TRIM32: variants seen among roughly 807,000 people sequenced by gnomAD.
TRIM32 encodes the protein tripartite motif containing 32, also known as E3 ubiquitin-protein ligase TRIM32.
In TRIM32, 19 loss-of-function variants were observed where a neutral mutation model predicts 36.0. The ratio of observed to expected loss-of-function variants is 0.53; its 90% CI spans 0.37 to 0.77. The LOEUF (loss-of-function observed/expected upper bound fraction) is 0.77, where lower values mean the gene tolerates loss of function less well. Among genes scored for constraint, TRIM32 ranks in the 30% least tolerant of loss-of-function variants. TRIM32 has a pLI of 0.00. For missense variants in TRIM32, 747 were observed against 845.2 expected (o/e 0.88, Z 1.44); for synonymous variants, 309 against 318.5 (o/e 0.97, Z 0.32).
intron 1 of TRIM32, 172 bp from the exon 2 acceptor site, chr9:116,697,490 G>C: frequency 2.0e-6 from 1 of 502,064 alleles, no homozygotes; most frequent in Admixed American, 3.2e-5. Flanking sequence ...TGTTTTGTCT[G>C]GTTTGTTTCC....
In TRIM32 at chr9:116,698,595, C is replaced by T; in HGVS notation, c.853C>T (p.His285Tyr). ...AGATGTGGAGCTCCTTAAGGTAGGTCATGTTGGCCCCCTCCAAATTGGACA... is the reference window on the plus strand; with the variant it reads ...AGATGTGGAGCTCCTTAAGGTAGGTTATGTTGGCCCCCTCCAAATTGGACA... ...LQDVELLKVGHVGPLQIGQAV... is the reference protein window; with the variant it reads ...LQDVELLKVGYVGPLQIGQAV... Residue 285 changes from histidine to tyrosine, a missense_variant, in exon 2 of 2, where the codon CAT becomes TAT. His to Tyr is a moderately conservative substitution (Grantham distance 83). Transcript: ENST00000450136. The surrounding 1 kb of genome is among the most constrained non-coding windows in gnomAD (Gnocchi z 4.4). The T allele has an allele frequency of 6.2e-7, 1 of 1,614,084 alleles. No homozygotes were observed. The highest frequency in any genetic ancestry group is 8.5e-7 in the Non-Finnish European group (1 of 1,180,010).
rs1359235368 is a variant in TRIM32 at position 116,687,349 on chromosome 9, G to C, written c.-114G>C. On this transcript the variant is annotated 5_prime_UTR_variant, in exon 1 of 2. Coordinates refer to ENST00000450136, the MANE Select transcript of TRIM32 (RefSeq NM_012210.4). ...GAGGGAGGCAGGCGGGTGGGCTGCC[G>C]GCGGTGGACTCGTCGGAGCCGCGGG... 3 of 823,720 alleles carry C rather than the reference G, an allele frequency of 3.6e-6. No homozygotes were observed. The highest frequency in any genetic ancestry group is 2.9e-6 in the Non-Finnish European group (2 of 682,958). 51.0% of individuals were successfully genotyped at this position (823,720 alleles called of 1,614,324 possible). A position where few individuals can be genotyped will look rare whatever the true frequency, so the allele number is the denominator to read the frequency against.
chr9:116,699,646 G>A lies in TRIM32; in HGVS notation c.1904G>A (p.Cys635Tyr). The A allele has an allele frequency of 6.2e-7, 1 of 1,614,204 alleles. No homozygotes were observed. Among genetic ancestry groups the A allele is most frequent in the South Asian group, 1.1e-5 (1 of 91,076 alleles). ...AAGGGGCAGCTGCTGGTCTTGGACTGTTGGGATCATTGCATCAAGATCTAC... is the reference window on the plus strand; with the variant it reads ...AAGGGGCAGCTGCTGGTCTTGGACTATTGGGATCATTGCATCAAGATCTAC... ...TPKGQLLVLD[C>Y]WDHCIKIYSY... Residue 635 changes from cysteine to tyrosine, a missense_variant, in exon 2 of 2, where the codon TGT (cysteine) becomes TAT (tyrosine). Coordinates refer to ENST00000450136, the MANE Select transcript of TRIM32 (RefSeq NM_012210.4). This position sits in a 1 kb window ranked among gnomAD's most constrained non-coding sequence, Gnocchi z 4.2.
chr9:116,698,105 G>C lies in TRIM32; in HGVS notation c.363G>C (p.Glu121Asp). ...GGAGCTGTGGTTTGGTGTTATGTGA[G>C]CCCTGCCGGGAGGCAGACCATCAGC... ...FCRSCGLVLC[E>D]PCREADHQPP... The change falls in exon 2 of 2, where the codon GAG (glutamate) becomes GAC (aspartate). Residue 121 changes from glutamate (E) to aspartate (D), a missense_variant. Physicochemically the swap from Glu to Asp is conservative, Grantham distance 45. Coordinates refer to ENST00000450136, the MANE Select transcript of TRIM32 (RefSeq NM_012210.4). This position sits in a 1 kb window ranked among gnomAD's most constrained non-coding sequence, Gnocchi z 4.4. 6.2e-7 allele frequency: 1 copy of C among 1,614,118 alleles called. No homozygotes were observed. The highest frequency in any genetic ancestry group is 8.5e-7 in the Non-Finnish European group (1 of 1,180,046).
At chr9:116,696,473 C>T (rs888096994) in intron 1 of TRIM32, among the ~76,000 whole-genome samples, 3 of 152,078 alleles carry the variant, frequency 2.0e-5, no homozygotes, top group Non-Finnish European at 4.4e-5. Flanking sequence ...AACTTCTTGT[C>T]CTTTCCTTTG....
chr9:116,693,771 A>C (rs559813848), intron 1 of TRIM32, among the ~76,000 whole-genome samples: 43 of 152,294 alleles, frequency 2.8e-4, no homozygotes, highest in African/African-American at 9.9e-4. Flanking sequence ...AAAGATTTGG[A>C]ATGATAAGAC....
intron 1 of TRIM32, among the ~76,000 whole-genome samples, chr9:116,688,191 G>T (rs1262062711): frequency 6.6e-6 from 1 of 152,030 alleles, no homozygotes. Flanking sequence ...GGGATTTGGG[G>T]CATATGAGTG....
chr9:116,689,289 T>C (rs1860443679), intron 1 of TRIM32, among the ~76,000 whole-genome samples: 1 of 152,190 alleles, frequency 6.6e-6, no homozygotes, highest in Non-Finnish European at 1.5e-5. Flanking sequence ...ACCCAGTGCC[T>C]TGGCTCTTCA....
chr9:116,695,434 ATATT>A (rs1316211811), intron 1 of TRIM32, among the ~76,000 whole-genome samples: 1 of 152,182 alleles, frequency 6.6e-6, no homozygotes, highest in Non-Finnish European at 1.5e-5. Context: ...CTGCTGCTAT[ATATT>A]TGTCAGATTG....
At chr9:116,689,998 T>C (rs1466455807) in intron 1 of TRIM32, among the ~76,000 whole-genome samples, 2 of 152,210 alleles carry the variant, frequency 1.3e-5, no homozygotes, top group Non-Finnish European at 2.9e-5. Flanking sequence ...GGCTCTATCA[T>C]TTCCAGGACT....
chr9:116,699,255 G>C lies in TRIM32; in HGVS notation c.1513G>C (p.Val505Leu), dbSNP rs1456670094. 6.2e-7 allele frequency: 1 copy of C among 1,614,220 alleles called. No individual in the cohort carries two copies. Among genetic ancestry groups the C allele is most frequent in the Admixed American group, 1.7e-5 (1 of 60,026 alleles). The part of the protein sequence containing the change: ...CFTVDRGSGV[V>L]KYSCLCSAVR... ...CACAGTTGATCGAGGATCAGGGGTG[G>C]TCAAATACAGCTGCCTATGTAGTGC... Residue 505 changes from valine to leucine, a missense_variant, in exon 2 of 2, where the codon GTC becomes CTC. Coordinates refer to ENST00000450136, the MANE Select transcript of TRIM32 (RefSeq NM_012210.4). The surrounding 1 kb of genome is among the most constrained non-coding windows in gnomAD (Gnocchi z 4.2).
In TRIM32 at chr9:116,699,129, G is replaced by A; in HGVS notation, c.1387G>A (p.Ala463Thr). 2.5e-6 allele frequency: 4 copies of A among 1,614,200 alleles called. No homozygotes were observed. Among genetic ancestry groups the A allele is most frequent in the Non-Finnish European group, 3.4e-6 (4 of 1,180,024 alleles). Reference protein sequence around the residue: ...KVYTLDGHCVACHRSQLSKPW... With the variant: ...KVYTLDGHCVTCHRSQLSKPW... ...ATATACCTTGGATGGCCACTGCGTG[G>A]CCTGTCACAGGAGCCAGCTGAGCAA... Residue 463 changes from alanine to threonine, a missense_variant, in exon 2 of 2, where the codon GCC becomes ACC. Transcript: ENST00000450136. This position sits in a 1 kb window ranked among gnomAD's most constrained non-coding sequence, Gnocchi z 4.2.
At position 116,698,795 on chromosome 9, in the gene TRIM32, T is replaced by C; in HGVS notation, c.1053T>C (p.Asn351=). ...AKQRGPEAAS[N]IQQCLFLKKM... is the part of the protein sequence containing the mutation. ...AGCGGGGTCCTGAGGCAGCCTCCAA[T>C]ATCCAGCAGTGCCTCTTTCTCAAGA... is the stretch of plus-strand genomic sequence containing the variant. The change falls in exon 2 of 2, where the codon AAT becomes AAC. Residue 351 remains asparagine, a synonymous_variant. Transcript: ENST00000450136. The surrounding 1 kb of genome is among the most constrained non-coding windows in gnomAD (Gnocchi z 4.4). 1 of 1,614,098 alleles carries C rather than the reference T, an allele frequency of 6.2e-7. No individual in the cohort carries two copies. Among genetic ancestry groups the C allele is most frequent in the Non-Finnish European group, 8.5e-7 (1 of 1,180,010 alleles).
In TRIM32 at chr9:116,699,812, A is replaced by G. The variant is rs1367411975; in HGVS notation, c.*108A>G. 2.0e-5 allele frequency: 30 copies of G among 1,494,210 alleles called. No homozygotes were observed. Among genetic ancestry groups the G allele is most frequent in the Non-Finnish European group, 2.7e-5 (29 of 1,081,498 alleles). The allele number at this position is 1,494,210 out of a possible 1,614,324, so 92.6% of individuals were successfully genotyped here. On this transcript the variant is annotated 3_prime_UTR_variant, in exon 2 of 2. Transcript: ENST00000450136. This position sits in a 1 kb window ranked among gnomAD's most constrained non-coding sequence, Gnocchi z 4.2. ...TAGACTCAGCCTATGTCCTGATTCC[A>G]GCTGGGTAGTTCTAGAACTTCAGAA...
rs767885077 is a variant in TRIM32 at position 116,699,378 on chromosome 9, C to T, written c.1636C>T (p.Leu546=). The stretch of plus-strand genomic sequence containing the variant: ...GGAGAATCGGCAGAATGAGCACCAC[C>T]TGGAGGGTGGCTTTTCCATTGGCTC... ...NLENRQNEHH[L]EGGFSIGSVG... The change falls in exon 2 of 2, where the codon CTG becomes TTG. Residue 546 remains leucine (L), a synonymous_variant. Transcript: ENST00000450136. The surrounding 1 kb of genome is among the most constrained non-coding windows in gnomAD (Gnocchi z 4.2). 2 of 1,614,208 alleles carry T rather than the reference C, an allele frequency of 1.2e-6. No homozygotes were observed. Among genetic ancestry groups the T allele is most frequent in the Non-Finnish European group, 1.7e-6 (2 of 1,180,046 alleles).
chr9:116,699,044 G>A lies in TRIM32; in HGVS notation c.1302G>A (p.Val434=). The A allele has an allele frequency of 6.2e-7, 1 of 1,614,178 alleles. No homozygotes were observed. The highest frequency in any genetic ancestry group is 2.2e-5 in the East Asian group (1 of 44,864). ...TACCCAACCTCACTCCTCTCTCAGT[G>A]GCAATGAACTGCCAGGGGCTGATTG... ...ADLPNLTPLS[V]AMNCQGLIGV... Residue 434 remains valine (V), a synonymous_variant, in exon 2 of 2, where the codon GTG becomes GTA. Coordinates refer to ENST00000450136, the MANE Select transcript of TRIM32 (RefSeq NM_012210.4). This position sits in a 1 kb window ranked among gnomAD's most constrained non-coding sequence, Gnocchi z 4.2.
Position 116,698,178 on chromosome 9 carries a change from C to T in TRIM32, c.436C>T (p.Arg146Cys), listed in dbSNP as rs888686561. 9 of 1,614,024 alleles carry T rather than the reference C, an allele frequency of 5.6e-6. No homozygotes were observed. Among genetic ancestry groups the T allele is most frequent in the Middle Eastern group, 1.6e-4 (1 of 6,082 alleles). The change falls in exon 2 of 2, where the codon CGT becomes TGT. Residue 146 changes from arginine to cysteine, a missense_variant. Transcript: ENST00000450136. This position sits in a 1 kb window ranked among gnomAD's most constrained non-coding sequence, Gnocchi z 4.4. ...LPVKEAAEER[R>C]RDFGEKLTRL... ...TGTCAAAGAAGCAGCTGAGGAGCGG[C>T]GTCGGGACTTTGGAGAGAAGTTAAC...
intron 1 of TRIM32, among the ~76,000 whole-genome samples, chr9:116,689,623 G>A (rs796205260): frequency 5.3e-5 from 8 of 152,216 alleles, no homozygotes; most frequent in African/African-American, 1.9e-4. Context: ...CCTTGCTAGG[G>A]CCTGCTTAGT....
intron 1 of TRIM32, among the ~76,000 whole-genome samples, chr9:116,687,780 C>T (rs965751882): frequency 6.6e-6 from 1 of 151,722 alleles, no homozygotes; most frequent in African/African-American, 2.4e-5. Flanking sequence ...ACTGGGGGGC[C>T]CCGATGAGAT....
Sources: allele counts gnomAD v4.1 joint callset (sites outside exome capture counted in the v4.1 genomes callset), GRCh38; gene constraint gnomAD v4.1.1; non-coding constraint Gnocchi (gnomAD v3.1); transcripts MANE v1.5; gene names NCBI Gene and HGNC (gene_info 2026-07-23, HGNC 2026-07-21).